ZSCAN5A: variants seen among roughly 807,000 people sequenced by gnomAD.
ZSCAN5A encodes the protein zinc finger and SCAN domain-containing protein 5A.
In ZSCAN5A, 12 loss-of-function variants were observed where a neutral mutation model predicts 23.7. The ratio of observed to expected loss-of-function variants is 0.51; its 90% CI spans 0.32 to 0.82. The LOEUF (loss-of-function observed/expected upper bound fraction) is 0.82. ZSCAN5A is among the 40% of genes least tolerant of loss of function. The pLI is 0.03. For synonymous variants in ZSCAN5A, 257 were observed against 239.9 expected (o/e 1.07, Z -0.66); for missense variants, 597 against 617.9 (o/e 0.97, Z 0.36).
intron 2 of ZSCAN5A, 200 bp from the exon 3 acceptor site, chr19:56,225,373 G>A (rs1322914798): frequency 2.3e-5 from 6 of 257,330 alleles, no homozygotes; most frequent in Non-Finnish European, 3.5e-5. Context: ...GGAAATCACT[G>A]TGCAGAGGCT....
At chr19:56,331,944 A>G (rs1427438948) in intron 2 of ZSCAN5A, among the ~76,000 whole-genome samples, 1 of 152,106 alleles carries the variant, frequency 6.6e-6, no homozygotes, top group Non-Finnish European at 1.5e-5. Context: ...CCTAAAAGTC[A>G]TTCAGGAGCA....
At chr19:56,302,879 G>C in intron 2 of ZSCAN5A, 1 of 398,676 alleles carries the variant, frequency 2.5e-6, no homozygotes, top group Non-Finnish European at 4.4e-6. Flanking sequence ...CTGGTTGCTG[G>C]GGACTCTGAT....
chr19:56,331,716 T>C (rs2041491417), intron 2 of ZSCAN5A, among the ~76,000 whole-genome samples: 1 of 150,826 alleles, frequency 6.6e-6, no homozygotes, highest in Non-Finnish European at 1.5e-5. Context: ...GCTTCCTGAG[T>C]AGCTGACATT....
At chr19:56,367,676 A>G (rs1382101598) in intron 1 of ZSCAN5A, among the ~76,000 whole-genome samples, 32 of 152,140 alleles carry the variant, frequency 2.1e-4, no homozygotes, top group Admixed American at 2.1e-3. Flanking sequence ...TCGCAACACT[A>G]TTAGCTAAGA....
intron 2 of ZSCAN5A, among the ~76,000 whole-genome samples, chr19:56,301,251 G>A (rs2040208523): frequency 6.6e-6 from 1 of 152,162 alleles, no homozygotes; most frequent in South Asian, 2.1e-4. Context: ...GTTATTTCCT[G>A]AATATATGAT....
chr19:56,307,259 G>A (rs946855693), intron 2 of ZSCAN5A, among the ~76,000 whole-genome samples: 9 of 152,108 alleles, frequency 5.9e-5, no homozygotes, highest in African/African-American at 1.9e-4. Context: ...CATCCCCAGT[G>A]CCCTTTTTAC....
At chr19:56,248,261 T>A (rs1397428810) in intron 2 of ZSCAN5A, among the ~76,000 whole-genome samples, 1 of 152,084 alleles carries the variant, frequency 6.6e-6, no homozygotes, top group Non-Finnish European at 1.5e-5. Context: ...TTCTTTTTCT[T>A]CTCTTTTCTT....
At chr19:56,288,316 C>T (rs902676201) in intron 2 of ZSCAN5A, among the ~76,000 whole-genome samples, 1 of 152,206 alleles carries the variant, frequency 6.6e-6, no homozygotes, top group Admixed American at 6.5e-5. Flanking sequence ...ATCGTTCCCT[C>T]TGTCTGCGAC....
At chr19:56,234,856 A>C (rs1404868083) in intron 2 of ZSCAN5A, among the ~76,000 whole-genome samples, 2 of 152,358 alleles carry the variant, frequency 1.3e-5, no homozygotes, top group East Asian at 3.9e-4. Flanking sequence ...CTCCCAGCTG[A>C]ATAAAGCCCT....
chr19:56,308,933 T>C (rs1600256064), intron 2 of ZSCAN5A, among the ~76,000 whole-genome samples: 1 of 152,166 alleles, frequency 6.6e-6, no homozygotes, highest in East Asian at 1.9e-4. Context: ...AGGCAAGAGG[T>C]TGGCAAACTT....
upstream of ZSCAN5A, chr19:56,317,455 G>A (rs2041328781): frequency 6.6e-6 from 1 of 152,248 alleles, no homozygotes; most frequent in Non-Finnish European, 1.5e-5. Context: ...GGCAGTGACG[G>A]AGCCCTCATT....
At chr19:56,330,474 C>T (rs1235170904) in intron 2 of ZSCAN5A, among the ~76,000 whole-genome samples, 1 of 152,208 alleles carries the variant, frequency 6.6e-6, no homozygotes, top group Non-Finnish European at 1.5e-5. Context: ...TCCCTTTTCT[C>T]AGTAGCCTTG....
intron 2 of ZSCAN5A, among the ~76,000 whole-genome samples, chr19:56,344,919 AAAAAAAAAAAAAAAAAG>A (rs1232864759): frequency 2.1e-5 from 3 of 146,294 alleles, no homozygotes; most frequent in Non-Finnish European, 4.5e-5. Flanking sequence ...CAAAAAAAAA[AAAAAAAAAAAAAAAAAG>A]AAAAAAAAGA....
At chr19:56,279,558 G>GT (rs1277668438) in intron 2 of ZSCAN5A, among the ~76,000 whole-genome samples, 25 of 152,158 alleles carry the variant, frequency 1.6e-4, no homozygotes, top group African/African-American at 6.0e-4. Flanking sequence ...TTTCAAAATC[G>GT]TAAGTGTCCC....
At chr19:56,348,609 C>T (rs2147457001) in intron 2 of ZSCAN5A, among the ~76,000 whole-genome samples, 1 of 152,326 alleles carries the variant, frequency 6.6e-6, no homozygotes, top group South Asian at 2.1e-4. Flanking sequence ...AGGCAGCTAA[C>T]ATTTACACTA....
chr19:56,251,396 ATGAT>A (rs745388395), intron 2 of ZSCAN5A, among the ~76,000 whole-genome samples: 5 of 152,010 alleles, frequency 3.3e-5, no homozygotes, highest in African/African-American at 9.7e-5. Flanking sequence ...CTGGGGAAAA[ATGAT>A]TGGGAGTTTC....
chr19:56,303,021 A>T (rs2040448227), intron 2 of ZSCAN5A: 3 of 396,136 alleles, frequency 7.6e-6, no homozygotes, highest in Non-Finnish European at 1.3e-5. Context: ...ATCTCAGCCT[A>T]GGGGAAGTGT....
intron 2 of ZSCAN5A, among the ~76,000 whole-genome samples, chr19:56,278,271 C>T (rs10405059): frequency 0.89 from 135,615 of 152,068 alleles, 60,996 homozygotes; most frequent in Middle Eastern, 0.94. Flanking sequence ...GTAGCTGGGA[C>T]TATAGGTGCA....
At chr19:56,353,806 T>A (rs549522845) in intron 2 of ZSCAN5A, among the ~76,000 whole-genome samples, 40 of 151,320 alleles carry the variant, frequency 2.6e-4, no homozygotes, top group Middle Eastern at 3.4e-3. Context: ...AAATAAAAAA[T>A]AAATAAATAA....
Sources: allele counts gnomAD v4.1 joint callset (sites outside exome capture counted in the v4.1 genomes callset), GRCh38; gene constraint gnomAD v4.1.1; transcripts MANE v1.5; gene names NCBI Gene and HGNC (gene_info 2026-07-23, HGNC 2026-07-21).